The following OSBPL8 variants were observed in gnomAD, a reference collection of about 807,000 sequenced individuals.
OSBPL8 encodes oxysterol binding protein like 8.
OSBPL8 carries 59 observed loss-of-function variants against 125.5 expected under a neutral mutation model. The ratio of observed to expected loss-of-function variants is 0.47; its 90% CI spans 0.38 to 0.58. The LOEUF (loss-of-function observed/expected upper bound fraction) is 0.58. Among genes scored for constraint, OSBPL8 ranks in the 20% least tolerant of loss-of-function variants. OSBPL8 has a pLI of 0.00. For missense variants in OSBPL8, 758 were observed against 1,047.8 expected, an observed-to-expected ratio of 0.72 and a Z score of 3.82; for synonymous variants, 330 against 338.9, an observed-to-expected ratio of 0.97 and a Z score of 0.29.
intron 1 of OSBPL8, among the ~76,000 whole-genome samples, chr12:76,501,945 T>C (rs746856961): frequency 3.9e-5 from 6 of 152,218 alleles, no homozygotes; most frequent in Non-Finnish European, 7.3e-5. Context: ...ACCATAATAG[T>C]AATACATACA....
intron 2 of OSBPL8, among the ~76,000 whole-genome samples, chr12:76,469,582 G>C (rs1210311341): frequency 6.6e-6 from 1 of 152,094 alleles, no homozygotes; most frequent in Non-Finnish European, 1.5e-5. Context: ...TTTACACTCA[G>C]TTCTTATTTT....
intron 3 of OSBPL8, among the ~76,000 whole-genome samples, chr12:76,452,309 T>C (rs1461129548): frequency 2.6e-5 from 4 of 152,148 alleles, no homozygotes; most frequent in African/African-American, 4.8e-5. Flanking sequence ...ACACTTGCAC[T>C]TTTCATCCAA....
At chr12:76,363,290 G>C (rs886408079) in intron 21 of OSBPL8, among the ~76,000 whole-genome samples, 5 of 151,870 alleles carry the variant, frequency 3.3e-5, no homozygotes, top group Admixed American at 6.6e-5. Flanking sequence ...TATACTACAA[G>C]GCTACAGTAA....
At chr12:76,497,925 G>A (rs1395191723) in intron 1 of OSBPL8, among the ~76,000 whole-genome samples, 1 of 152,068 alleles carries the variant, frequency 6.6e-6, no homozygotes, top group Non-Finnish European at 1.5e-5. Context: ...TATATAGATT[G>A]TTTTTGTTGA....
chr12:76,523,105 T>A (rs1950069514), intron 1 of OSBPL8, among the ~76,000 whole-genome samples: 1 of 152,190 alleles, frequency 6.6e-6, no homozygotes, highest in African/African-American at 2.4e-5. Context: ...CCCAAAGTGA[T>A]AGGATTACAG....
intron 6 of OSBPL8, among the ~76,000 whole-genome samples, chr12:76,400,969 T>G (rs189098072): frequency 6.6e-5 from 10 of 151,974 alleles, no homozygotes; most frequent in Admixed American, 4.6e-4. Flanking sequence ...TTGTATTTTT[T>G]GTAGAGATGG....
rs1188547648 is a variant in OSBPL8, at chr12:76,543,619, C to T, written c.-68+15778G>A. On this transcript the variant is annotated intron_variant, in intron 1 of 23. Transcript: ENST00000261183. The stretch of plus-strand genomic sequence containing the variant: ...AAAAGCCATTCAGTCACATATAATG[C>T]TAAGATAATTTTTGCAAAAAAATTT... Among the ~76,000 whole-genome samples the T allele has an allele frequency of 2.0e-5, 3 of 152,030 alleles. No homozygotes were observed. The East Asian group carries it at 5.8e-4, about 29-fold the overall frequency.
intron 15 of OSBPL8, among the ~76,000 whole-genome samples, chr12:76,381,828 G>A (rs1254048479): frequency 1.3e-5 from 2 of 151,460 alleles, no homozygotes; most frequent in African/African-American, 2.4e-5. Flanking sequence ...TCTGCCTCCC[G>A]GGTTCAAGTG....
chr12:76,428,085 T>C (rs1870365887), intron 4 of OSBPL8, among the ~76,000 whole-genome samples: 1 of 152,094 alleles, frequency 6.6e-6, no homozygotes. Context: ...AAATGGTATC[T>C]TTCTTCTGAA....
chr12:76,402,729 C>G lies in OSBPL8; in HGVS notation c.326G>C (p.Ser109Thr), dbSNP rs1353966177. The G allele has an allele frequency of 1.2e-6, 2 of 1,607,982 alleles. No homozygotes were observed. Among genetic ancestry groups the G allele is most frequent in the East Asian group, 2.2e-5 (1 of 44,804 alleles). ...TTTTGTGAGTTTGCTTGAAGTTGAA[C>G]TGTCCTTCTCTGAGCCATTATAAAG... ...SKLYNGSEKD[S>T]STSSKLTKKE... Residue 109 changes from serine to threonine, a missense_variant, in exon 6 of 24, where the codon AGT becomes ACT. Coordinates refer to ENST00000261183, the MANE Select transcript of OSBPL8 (RefSeq NM_020841.5).
rs370577195 is a variant in OSBPL8 at position 76,384,241 on chromosome 12, C to T, written c.1630+13G>A. 9.8e-5 allele frequency: 141 copies of T among 1,440,298 alleles called. No homozygotes were observed. The African/African-American group carries it at 1.1e-3, about 12-fold the overall frequency. 89.2% of individuals were successfully genotyped at this position (1,440,298 alleles called of 1,614,324 possible). A position where few individuals can be genotyped will look rare whatever the true frequency, so the allele number is the denominator to read the frequency against. On this transcript the variant is annotated intron_variant, in intron 15 of 23. Coordinates refer to ENST00000261183, the MANE Select transcript of OSBPL8 (RefSeq NM_020841.5). The stretch of plus-strand genomic sequence containing the variant: ...TCCCAGGAGAGGGTGCAAGTTGGGA[C>T]GGGAAAACTCACCATAAAACTTAGA...
chr12:76,362,533 A>C (rs1952245587), intron 21 of OSBPL8, among the ~76,000 whole-genome samples: 1 of 152,204 alleles, frequency 6.6e-6, no homozygotes, highest in African/African-American at 2.4e-5. Context: ...AACGTATCTC[A>C]AAATAATAAG....
intron 4 of OSBPL8, among the ~76,000 whole-genome samples, chr12:76,437,996 A>AT (rs931133415): frequency 3.3e-5 from 5 of 151,184 alleles, no homozygotes; most frequent in East Asian, 3.9e-4. Context: ...TTTATTTTTT[A>AT]TTTTTTTTGA....
chr12:76,539,432 G>A (rs928528506), intron 1 of OSBPL8, among the ~76,000 whole-genome samples: 3 of 152,102 alleles, frequency 2.0e-5, no homozygotes, highest in African/African-American at 7.2e-5. Flanking sequence ...TGTACAAAAT[G>A]TCAATGTACT....
intron 1 of OSBPL8, among the ~76,000 whole-genome samples, chr12:76,552,428 C>CAAAA (rs55942644): frequency 7.3e-5 from 4 of 54,858 alleles, no homozygotes; most frequent in African/African-American, 2.9e-4. Context: ...CCCATGTCTC[C>CAAAA]AAAAAAAAAA....
At chr12:76,470,204 C>T (rs1484418025) in intron 2 of OSBPL8, among the ~76,000 whole-genome samples, 3 of 152,192 alleles carry the variant, frequency 2.0e-5, no homozygotes, top group Non-Finnish European at 4.4e-5. Context: ...TAATGGCATG[C>T]ATCTGGTGAG....
rs1359330242 is a variant in OSBPL8, at chr12:76,528,559, T to C, written c.-68+30838A>G. 5.3e-5 allele frequency among the ~76,000 whole-genome samples: 8 copies of C among 152,174 alleles called. No homozygotes were observed. In the East Asian group the frequency reaches 1.5e-3, roughly 29 times the overall value. ...AATGCCTCTGCAATGAAGTTAGTCA[T>C]CACCCAAAAAGCTTCAGAAATTAAA... On this transcript the variant is annotated intron_variant, in intron 1 of 23. Transcript: ENST00000261183.
At chr12:76,411,457 T>G (rs1324899473) in intron 4 of OSBPL8, among the ~76,000 whole-genome samples, 1 of 152,078 alleles carries the variant, frequency 6.6e-6, no homozygotes, top group African/African-American at 2.4e-5. Flanking sequence ...AAAATATGTA[T>G]AATCATTCAT....
intron 5 of OSBPL8, among the ~76,000 whole-genome samples, chr12:76,407,411 C>T (rs984954448): frequency 6.6e-5 from 10 of 152,220 alleles, no homozygotes; most frequent in Middle Eastern, 6.8e-3. Flanking sequence ...CCACCACACC[C>T]GGCTAATTTT....
Sources: allele counts gnomAD v4.1 joint callset (sites outside exome capture counted in the v4.1 genomes callset), GRCh38; gene constraint gnomAD v4.1.1; transcripts MANE v1.5; gene names NCBI Gene and HGNC (gene_info 2026-07-23, HGNC 2026-07-21).